The following CCDC3 variants were observed in gnomAD, a reference collection of about 807,000 sequenced individuals.
The protein encoded by CCDC3 is coiled-coil domain-containing protein 3.
Under a neutral mutation model 21.4 loss-of-function variants are expected in CCDC3, and 24 were observed. The ratio of observed to expected loss-of-function variants is 1.12; its 90% CI spans 0.81 to 1.58. The LOEUF is 1.58. Ranked by LOEUF, CCDC3 falls within the 40% of genes most tolerant of loss-of-function variation. The pLI is 0.00. For missense variants in CCDC3, 425 were observed against 360.9 expected (o/e 1.18, Z -1.44); for synonymous variants, 186 against 166.0 (o/e 1.12, Z -0.93).
rs2580906 is a variant in CCDC3 at position 13,033,439 on chromosome 10, T to C, written c.-2+16235A>G. On this transcript the variant is annotated intron_variant, in intron 5 of 6. Transcript: ENST00000378839. ...TCAGGACATAGGCATGGGCGAGGAC[T>C]TCATGTCTAAAACACCAAAAGCAAT... 4.2e-3 allele frequency among the ~76,000 whole-genome samples: 634 copies of C among 152,208 alleles called. 6 individuals are homozygous for C. Among genetic ancestry groups the C allele is most frequent in the African/African-American group, 0.014 (602 of 41,540 alleles).
At chr10:12,925,461 G>A (rs775525986) in intron 2 of CCDC3, among the ~76,000 whole-genome samples, 6 of 152,126 alleles carry the variant, frequency 3.9e-5, no homozygotes, top group African/African-American at 1.2e-4. Flanking sequence ...CTCCCCCAGC[G>A]AAGGCAAACT....
At chr10:13,057,496 A>C (rs1393423983) in intron 4 of CCDC3, among the ~76,000 whole-genome samples, 1 of 151,978 alleles carries the variant, frequency 6.6e-6, no homozygotes, top group Non-Finnish European at 1.5e-5. Flanking sequence ...TCCATATGTT[A>C]TAATTTCCAC....
chr10:13,030,726 CA>C (rs1438883392), intron 5 of CCDC3, among the ~76,000 whole-genome samples: 1 of 151,876 alleles, frequency 6.6e-6, no homozygotes, highest in Non-Finnish European at 1.5e-5. Flanking sequence ...TTTAAACCAA[CA>C]AAGATCAAAA....
At chr10:13,021,582 G>A (rs926319989) in intron 5 of CCDC3, among the ~76,000 whole-genome samples, 1 of 152,090 alleles carries the variant, frequency 6.6e-6, no homozygotes, top group African/African-American at 2.4e-5. Context: ...AGGACAAAAC[G>A]AATAGAGAAA....
intron 2 of CCDC3, among the ~76,000 whole-genome samples, chr10:12,973,670 G>T (rs572713969): frequency 3.9e-5 from 6 of 152,250 alleles, no homozygotes; most frequent in Admixed American, 1.3e-4. Context: ...CTGGACTTGG[G>T]CTTCCAGGTA....
chr10:13,026,771 T>G (rs1836222542), intron 5 of CCDC3, among the ~76,000 whole-genome samples: 1 of 152,196 alleles, frequency 6.6e-6, no homozygotes, highest in Non-Finnish European at 1.5e-5. Flanking sequence ...CTCATAATAG[T>G]CAACATCATA....
intron 2 of CCDC3, among the ~76,000 whole-genome samples, chr10:12,907,824 T>C (rs753671160): frequency 4.5e-4 from 69 of 152,070 alleles, no homozygotes; most frequent in Non-Finnish European, 9.0e-4. Context: ...CCTTAAGAAT[T>C]GCAGGATGTG....
chr10:12,904,499 T>G (rs1834142491), intron 2 of CCDC3, among the ~76,000 whole-genome samples: 1 of 37,814 alleles, frequency 2.6e-5, no homozygotes, highest in Admixed American at 2.9e-4. Flanking sequence ...AAAGACTGGC[T>G]CAGGCTCACT....
At position 13,097,842 on chromosome 10, in the gene CCDC3, C is replaced by T. The variant is rs140675425; in HGVS notation, c.-503+683G>A. 1.0e-3 allele frequency among the ~76,000 whole-genome samples: 156 copies of T among 152,316 alleles called. 1 individual carries two copies. The highest frequency in any genetic ancestry group is 3.4e-3 in the Middle Eastern group (1 of 294). On this transcript the variant is annotated intron_variant, in intron 3 of 6. Transcript: ENST00000378839. Reference sequence around the variant, plus strand: ...CACATAACACCCTGACACTGTCTGACGCAGTTCTCCTATCAACTATTCGAT... The same window carrying T: ...CACATAACACCCTGACACTGTCTGATGCAGTTCTCCTATCAACTATTCGAT...
At chr10:13,041,323 A>C (rs1479168784) in intron 5 of CCDC3, among the ~76,000 whole-genome samples, 1 of 152,036 alleles carries the variant, frequency 6.6e-6, no homozygotes, top group Non-Finnish European at 1.5e-5. Flanking sequence ...ACCAATTCTT[A>C]TTTCTGGTAT....
intron 2 of CCDC3, among the ~76,000 whole-genome samples, chr10:12,916,657 G>A (rs1021147003): frequency 7.2e-5 from 11 of 152,012 alleles, no homozygotes; most frequent in Non-Finnish European, 1.5e-4. Context: ...GGCCAGGGGT[G>A]CCAACCTGGT....
intron 5 of CCDC3, among the ~76,000 whole-genome samples, chr10:13,009,805 C>T (rs1431865891): frequency 6.6e-6 from 1 of 152,154 alleles, no homozygotes; most frequent in African/African-American, 2.4e-5. Context: ...TAGGAGGAAA[C>T]CTCTGCTAAC....
chr10:13,038,516 G>A (rs1200084376), intron 5 of CCDC3, among the ~76,000 whole-genome samples: 1 of 152,202 alleles, frequency 6.6e-6, no homozygotes, highest in Non-Finnish European at 1.5e-5. Context: ...CAGTATTTAT[G>A]TTCTAAAAGA....
intron 5 of CCDC3, among the ~76,000 whole-genome samples, chr10:13,017,671 C>A (rs1836088872): frequency 6.6e-6 from 1 of 152,006 alleles, no homozygotes; most frequent in Non-Finnish European, 1.5e-5. Flanking sequence ...CAATATTCAT[C>A]ATTCAACATT....
intron 5 of CCDC3, among the ~76,000 whole-genome samples, chr10:13,029,737 A>G (rs1035646290): frequency 2.6e-5 from 4 of 152,224 alleles, no homozygotes; most frequent in Admixed American, 2.6e-4. Context: ...AAGAAAGGGT[A>G]TCAGTGATTG....
intron 2 of CCDC3, among the ~76,000 whole-genome samples, chr10:12,929,384 G>T (rs907686571): frequency 1.3e-5 from 2 of 152,068 alleles, no homozygotes; most frequent in Non-Finnish European, 2.9e-5. Context: ...TGCCAGGGCT[G>T]CATTCTCTCA....
intron 2 of CCDC3, among the ~76,000 whole-genome samples, chr10:12,986,893 A>G (rs1340556348): frequency 6.6e-6 from 1 of 152,230 alleles, no homozygotes; most frequent in Admixed American, 6.5e-5. Flanking sequence ...CTGTTTCAAT[A>G]AAACTTTCAT....
chr10:13,028,141 G>A (rs1027686283), intron 5 of CCDC3, among the ~76,000 whole-genome samples: 5 of 152,176 alleles, frequency 3.3e-5, no homozygotes, highest in African/African-American at 9.6e-5. Context: ...TAATCCCCAT[G>A]TGTCATGAGA....
At position 13,001,369 on chromosome 10, in the gene CCDC3, C is replaced by G; in HGVS notation, c.202G>C (p.Ala68Pro). ...LYNHLPWQYH[A>P]GQGGLFYSAE... ...GAGTAGAAGAGGCCCCCCTGGCCGGCGTGGTACTGCCAGGGCAGGTGGTTG... is the reference window on the plus strand; with the variant it reads ...GAGTAGAAGAGGCCCCCCTGGCCGGGGTGGTACTGCCAGGGCAGGTGGTTG... The change falls in exon 1 of 3, where the codon GCC (alanine) becomes CCC (proline). Residue 68 changes from alanine to proline, a missense_variant. Coordinates refer to ENST00000378825, the MANE Select transcript of CCDC3 (RefSeq NM_031455.4). 2 of 1,593,340 alleles carry G rather than the reference C, an allele frequency of 1.3e-6. No individual in the cohort carries two copies. The highest frequency in any genetic ancestry group is 1.7e-6 in the Non-Finnish European group (2 of 1,171,166).
Sources: allele counts gnomAD v4.1 joint callset (sites outside exome capture counted in the v4.1 genomes callset), GRCh38; gene constraint gnomAD v4.1.1; transcripts MANE v1.5; gene names NCBI Gene and HGNC (gene_info 2026-07-23, HGNC 2026-07-21).